PDGFC: variants seen among roughly 807,000 people sequenced by gnomAD.
The protein encoded by PDGFC is platelet derived growth factor C, also known as platelet-derived growth factor C.
In PDGFC, 12 loss-of-function variants were observed where a neutral mutation model predicts 35.5. That is an observed-to-expected ratio of 0.34 (90% CI 0.22 to 0.55). The LOEUF is 0.55. Ranked by LOEUF, PDGFC falls within the 20% of genes least tolerant of loss-of-function variation. The pLI is 0.91. For synonymous variants in PDGFC, 159 were observed against 148.8 expected, an observed-to-expected ratio of 1.07 and a Z score of -0.50; for missense variants, 322 against 412.4, an observed-to-expected ratio of 0.78 and a Z score of 1.90.
Position 156,901,364 on chromosome 4 carries a change from C to T in PDGFC, c.119-50948G>A, listed in dbSNP as rs927282406. Reference sequence around the variant, plus strand: ...GCTTTTAACGAAGCTCCCTAGAAAGCATGTGAAGGATTAATATGAAGAGGG... The same window carrying T: ...GCTTTTAACGAAGCTCCCTAGAAAGTATGTGAAGGATTAATATGAAGAGGG... On this transcript the variant is annotated intron_variant, in intron 1 of 5. Transcript: ENST00000502773. Among the ~76,000 whole-genome samples, 3 of 152,154 alleles carry T rather than the reference C, an allele frequency of 2.0e-5. No individual in the cohort carries two copies. In the South Asian group the frequency reaches 6.2e-4, roughly 32 times the overall value.
intron 1 of PDGFC, among the ~76,000 whole-genome samples, chr4:156,901,774 G>A (rs1730793036): frequency 6.6e-6 from 1 of 151,844 alleles, no homozygotes; most frequent in Non-Finnish European, 1.5e-5. Context: ...CACCACCCTG[G>A]GCTAATTATC....
rs1045954906 is a variant in PDGFC, at chr4:156,846,531, A to C, written c.314+3690T>G. On this transcript the variant is annotated intron_variant, in intron 2 of 5. Coordinates refer to ENST00000502773, the MANE Select transcript of PDGFC (RefSeq NM_016205.3). The stretch of plus-strand genomic sequence containing the variant: ...AAGACAAGAAGACTCTTCCAGACTA[A>C]AGAAGACGAAAGAGTTACAATAACC... Among the ~76,000 whole-genome samples, 62 of 151,770 alleles carry C rather than the reference A, an allele frequency of 4.1e-4. 1 individual carries two copies. Among genetic ancestry groups the C allele is most frequent in the Non-Finnish European group, 1.5e-5 (1 of 67,726 alleles).
intron 2 of PDGFC, among the ~76,000 whole-genome samples, chr4:156,821,475 A>T (rs533924030): frequency 1.3e-5 from 2 of 152,052 alleles, no homozygotes; most frequent in Admixed American, 6.6e-5. Context: ...TCCTGGGCTC[A>T]AGTGATACTC....
intron 2 of PDGFC, among the ~76,000 whole-genome samples, chr4:156,835,321 A>G (rs1729037331): frequency 6.6e-6 from 1 of 152,200 alleles, no homozygotes; most frequent in Admixed American, 6.5e-5. Flanking sequence ...ACTCCTATTC[A>G]ATATTGTTGG....
In PDGFC at chr4:156,771,429, G is replaced by A. The variant is rs567121740; in HGVS notation, c.703+1257C>T. 5.3e-5 allele frequency among the ~76,000 whole-genome samples: 8 copies of A among 152,270 alleles called. No homozygotes were observed. In the South Asian group the frequency reaches 1.5e-3, roughly 28 times the overall value. ...GATCTTCATCTTCCTGTTCCTAAGTGGGAGGGAAGGGAAGTGTTGCTCGTA... is the reference window on the plus strand; with the variant it reads ...GATCTTCATCTTCCTGTTCCTAAGTAGGAGGGAAGGGAAGTGTTGCTCGTA... On this transcript the variant is annotated intron_variant, in intron 4 of 5. Transcript: ENST00000502773.
At chr4:156,834,220 T>C (rs761260921) in intron 2 of PDGFC, among the ~76,000 whole-genome samples, 1 of 152,148 alleles carries the variant, frequency 6.6e-6, no homozygotes, top group Non-Finnish European at 1.5e-5. Flanking sequence ...TCTTGCTAAG[T>C]TTTAAAGAGG....
chr4:156,903,921 T>C (rs1028889920), intron 1 of PDGFC, among the ~76,000 whole-genome samples: 4 of 152,180 alleles, frequency 2.6e-5, no homozygotes, highest in Non-Finnish European at 4.4e-5. Context: ...TACTGGCCTT[T>C]AGGCCAATTT....
At chr4:156,904,578 T>C (rs1242872269) in intron 1 of PDGFC, among the ~76,000 whole-genome samples, 3 of 152,126 alleles carry the variant, frequency 2.0e-5, no homozygotes, top group East Asian at 1.9e-4. Context: ...AAGATTTTTA[T>C]GTGACATATC....
At chr4:156,793,562 T>TATATATATAA (rs1391337141) in intron 3 of PDGFC, among the ~76,000 whole-genome samples, 4 of 136,132 alleles carry the variant, frequency 2.9e-5, no homozygotes, top group African/African-American at 8.8e-5. Context: ...TATATATATA[T>TATATATATAA]AAAACACTTT....
At chr4:156,871,801 A>G (rs1196535671) in intron 1 of PDGFC, among the ~76,000 whole-genome samples, 1 of 149,834 alleles carries the variant, frequency 6.7e-6, no homozygotes, top group Non-Finnish European at 1.5e-5. Flanking sequence ...AGTGTATCAT[A>G]TTTAAGTATT....
rs1162901447 is a variant in PDGFC at position 156,862,932 on chromosome 4, A to T, written c.119-12516T>A. ...CTGGTCTTGAACTCCTGACCTCATGATCCATCCACCTCAGCCTCCCAAAGT... is the reference window on the plus strand; with the variant it reads ...CTGGTCTTGAACTCCTGACCTCATGTTCCATCCACCTCAGCCTCCCAAAGT... On this transcript the variant is annotated intron_variant, in intron 1 of 5. Coordinates refer to ENST00000502773, the MANE Select transcript of PDGFC (RefSeq NM_016205.3). 2.0e-5 allele frequency among the ~76,000 whole-genome samples: 3 copies of T among 151,966 alleles called. No homozygotes were observed. The East Asian group carries it at 5.8e-4, about 29-fold the overall frequency.
chr4:156,955,304 T>C (rs1442667499), intron 1 of PDGFC, among the ~76,000 whole-genome samples: 2 of 152,010 alleles, frequency 1.3e-5, no homozygotes, highest in Non-Finnish European at 2.9e-5. Flanking sequence ...TTCTCTGTCC[T>C]TTACAATCAT....
At chr4:156,773,923 G>T (rs1416226380) in intron 3 of PDGFC, among the ~76,000 whole-genome samples, 1 of 152,040 alleles carries the variant, frequency 6.6e-6, no homozygotes, top group African/African-American at 2.4e-5. Flanking sequence ...CTAACACATC[G>T]GCTCTTCCTT....
intron 1 of PDGFC, among the ~76,000 whole-genome samples, chr4:156,900,533 A>C (rs1266918392): frequency 2.6e-5 from 4 of 152,140 alleles, no homozygotes; most frequent in Non-Finnish European, 5.9e-5. Flanking sequence ...ATGAACAAGA[A>C]CGAACTAGTT....
At chr4:156,809,097 T>C (rs1709022267) in intron 3 of PDGFC, among the ~76,000 whole-genome samples, 1 of 151,782 alleles carries the variant, frequency 6.6e-6, no homozygotes, top group African/African-American at 2.4e-5. Flanking sequence ...ACTCCCCACA[T>C]GTCTCCATTA....
At chr4:156,826,680 G>A (rs895545703) in intron 2 of PDGFC, among the ~76,000 whole-genome samples, 28 of 152,102 alleles carry the variant, frequency 1.8e-4, no homozygotes, top group Non-Finnish European at 3.8e-4. Context: ...TTTAGATATG[G>A]ATTTATAAAA....
chr4:156,825,603 A>AAGG (rs1732440665), intron 2 of PDGFC, among the ~76,000 whole-genome samples: 1 of 104,790 alleles, frequency 9.5e-6, no homozygotes, highest in African/African-American at 3.9e-5. Context: ...TAAGAAGAAG[A>AAGG]AGAAGAAGAA....
At chr4:156,835,719 A>T (rs1158540425) in intron 2 of PDGFC, among the ~76,000 whole-genome samples, 3 of 152,222 alleles carry the variant, frequency 2.0e-5, no homozygotes, top group Non-Finnish European at 4.4e-5. Context: ...TCCTAGTAGT[A>T]AGTGATAGAA....
At chr4:156,956,041 A>C (rs1732201331) in intron 1 of PDGFC, among the ~76,000 whole-genome samples, 1 of 152,050 alleles carries the variant, frequency 6.6e-6, no homozygotes, top group South Asian at 2.1e-4. Flanking sequence ...TGTCTAGTGT[A>C]ATACAAACAA....
Sources: gnomAD v4.1 joint callset for allele counts (sites outside exome capture counted in the v4.1 genomes callset) on GRCh38, gnomAD v4.1.1 for gene constraint, MANE v1.5 for transcripts, NCBI Gene and HGNC (gene_info 2026-07-23, HGNC 2026-07-21) for gene names.